The following TMEM40 variants were observed in gnomAD, a reference collection of about 807,000 sequenced individuals.
The protein encoded by TMEM40 is transmembrane protein 40.
Under a neutral mutation model 40.8 loss-of-function variants are expected in TMEM40, and 34 were observed. That is an observed-to-expected ratio of 0.83 (90% confidence interval 0.63 to 1.11). TMEM40 has a LOEUF of 1.11. Among genes scored for constraint, TMEM40 ranks in the 50% least tolerant of loss-of-function variants. The pLI, the probability that TMEM40 is intolerant of heterozygous loss-of-function variation, is 0.00. For missense variants in TMEM40, 296 were observed against 280.2 expected, an observed-to-expected ratio of 1.06 and a Z score of -0.40; for synonymous variants, 106 against 107.0, an observed-to-expected ratio of 0.99 and a Z score of 0.06.
intron 3 of TMEM40, among the ~76,000 whole-genome samples, chr3:12,746,083 A>C (rs112482166): frequency 0.017 from 2,611 of 151,886 alleles, 70 homozygotes; most frequent in African/African-American, 0.057. Flanking sequence ...TTTTTATTAG[A>C]GACGAGGTTT....
chr3:12,751,536 C>T (rs1473159235), intron 1 of TMEM40, among the ~76,000 whole-genome samples: 1 of 152,048 alleles, frequency 6.6e-6, no homozygotes, highest in Non-Finnish European at 1.5e-5. Flanking sequence ...CCTTGACCTC[C>T]CAAAGTGCTG....
chr3:12,751,439 T>C (rs1406501036), intron 1 of TMEM40, among the ~76,000 whole-genome samples: 2 of 151,588 alleles, frequency 1.3e-5, no homozygotes, highest in African/African-American at 4.9e-5. Flanking sequence ...CACACCATGC[T>C]TGGCTAATTT....
chr3:12,760,834 T>A (rs2061564561), upstream of TMEM40, among the ~76,000 whole-genome samples: 1 of 152,000 alleles, frequency 6.6e-6, no homozygotes, highest in South Asian at 2.1e-4. Flanking sequence ...CTCAAACTCC[T>A]GGGCTCAAGC....
At chr3:12,742,609 G>C in intron 4 of TMEM40, 102 bp from the exon 5 acceptor site, 1 of 1,369,502 alleles carries the variant, frequency 7.3e-7, no homozygotes. Context: ...CACAGTCCTT[G>C]TGCTGGAGGT....
At chr3:12,760,166 C>T (rs1052952230), upstream of TMEM40, among the ~76,000 whole-genome samples, 7 of 152,186 alleles carry the variant, frequency 4.6e-5, no homozygotes, top group African/African-American at 1.2e-4. Flanking sequence ...CCTCAACTGT[C>T]ACCTTGATCC....
rs1345354997 is a variant in TMEM40, at chr3:12,748,829, C to T, written c.74-37G>A. On this transcript the variant is annotated intron_variant, in intron 2 of 11. Coordinates refer to ENST00000314124, the MANE Select transcript of TMEM40 (RefSeq NM_018306.4). ...ACAGAGGCCAGGGGATGAGCGTTTCCCACCCTTCCCACCCCAGGGACCACC... is the reference window on the plus strand; with the variant it reads ...ACAGAGGCCAGGGGATGAGCGTTTCTCACCCTTCCCACCCCAGGGACCACC... 4.4e-6 allele frequency: 7 copies of T among 1,577,872 alleles called. No individual in the cohort carries two copies. The African/African-American group carries it at 5.4e-5, about 12-fold the overall frequency.
chr3:12,743,816 T>G, intron 4 of TMEM40, 84 bp downstream of exon 4: 2 of 1,324,116 alleles, frequency 1.5e-6, no homozygotes, highest in Non-Finnish European at 2.1e-6. Context: ...AACAATGCTG[T>G]GAAGAACATC....
intron 7 of TMEM40, 177 bp downstream of exon 7, chr3:12,737,959 T>C: frequency 1.0e-6 from 1 of 968,262 alleles, no homozygotes; most frequent in Non-Finnish European, 1.6e-6. Context: ...TAGGCCCGAG[T>C]CTGCCTTCCT....
At chr3:12,759,967 G>A (rs2061557479), upstream of TMEM40, among the ~76,000 whole-genome samples, 1 of 62,270 alleles carries the variant, frequency 1.6e-5, no homozygotes, top group Non-Finnish European at 3.0e-5. Flanking sequence ...CCCAGCCTTG[G>A]AGGGAAACAG....
intron 4 of TMEM40, among the ~76,000 whole-genome samples, chr3:12,742,840 G>A (rs899822262): frequency 3.3e-5 from 5 of 152,110 alleles, no homozygotes; most frequent in African/African-American, 1.2e-4. Flanking sequence ...TGCTCCTCAC[G>A]GATATCCTAT....
Position 12,737,764 on chromosome 3 carries a change from AAG to A in TMEM40, c.425-12_425-11del. The A allele has an allele frequency of 1.2e-6, 2 of 1,613,290 alleles. No individual in the cohort carries two copies. The highest frequency in any genetic ancestry group is 1.3e-5 in the African/African-American group (1 of 75,034). ...GAGGCCTCCACTTCTCCTTAAGAAC[AAG>A]AGAGAGATGAATATTTAACTTTGAT... is the stretch of plus-strand genomic sequence containing the variant. On this transcript the variant is annotated splice_polypyrimidine_tract_variant and intron_variant, in intron 7 of 11. Coordinates refer to ENST00000314124, the MANE Select transcript of TMEM40 (RefSeq NM_018306.4).
chr3:12,765,714 C>G (rs921129242), intron 1 of TMEM40, among the ~76,000 whole-genome samples: 4 of 151,740 alleles, frequency 2.6e-5, no homozygotes, highest in African/African-American at 9.7e-5. Context: ...GGACTACAGG[C>G]GCCTGCCACC....
chr3:12,752,437 A>G (rs1266538045), intron 1 of TMEM40, among the ~76,000 whole-genome samples: 2 of 152,178 alleles, frequency 1.3e-5, no homozygotes, highest in Non-Finnish European at 2.9e-5. Context: ...ATCTATTCCT[A>G]TGAAGGCTCA....
chr3:12,748,675 G>T lies in TMEM40; in HGVS notation c.191C>A (p.Ser64Tyr), dbSNP rs746709593. The change falls in exon 3 of 12, where the codon TCT becomes TAT. Residue 64 changes from serine (S) to tyrosine (Y), a missense_variant. Physicochemically the swap from Ser to Tyr is moderately radical, Grantham distance 144. Transcript: ENST00000314124. Reference protein sequence around the residue: ...SSSSSSSSSSSSSSSSSESND... With the variant: ...SSSSSSSSSSYSSSSSSESND... ...TATACCTGAGGAGGAGGAGGATGAA[G>T]AAGATGAGGAGGATGAGGAGGAAGA... 1.2e-6 allele frequency: 2 copies of T among 1,613,024 alleles called. No individual in the cohort carries two copies. Among genetic ancestry groups the T allele is most frequent in the South Asian group, 1.1e-5 (1 of 91,038 alleles).
intron 1 of TMEM40, among the ~76,000 whole-genome samples, chr3:12,765,129 T>C (rs2061588157): frequency 6.6e-6 from 1 of 152,126 alleles, no homozygotes; most frequent in African/African-American, 2.4e-5. Context: ...AGTGCTGGGA[T>C]TACAGGCATG....
chr3:12,744,495 C>T (rs1340861568), intron 3 of TMEM40, among the ~76,000 whole-genome samples: 2 of 152,224 alleles, frequency 1.3e-5, no homozygotes, highest in Non-Finnish European at 2.9e-5. Flanking sequence ...CCTTTCCCTG[C>T]TGGGGTTTCT....
At chr3:12,761,175 C>T (rs1456705992), upstream of TMEM40, among the ~76,000 whole-genome samples, 1 of 152,146 alleles carries the variant, frequency 6.6e-6, no homozygotes, top group Non-Finnish European at 1.5e-5. Flanking sequence ...GCAAATAATC[C>T]TGAACAGCCA....
intron 3 of TMEM40, among the ~76,000 whole-genome samples, chr3:12,744,863 A>G (rs762951240): frequency 2.0e-5 from 3 of 152,168 alleles, no homozygotes; most frequent in Admixed American, 6.5e-5. Context: ...TCTCAACTGG[A>G]TAAGGAGGAA....
chr3:12,738,205 G>A (rs780873101), intron 6 of TMEM40, 37 bp from the exon 7 acceptor site: 14 of 1,612,076 alleles, frequency 8.7e-6, no homozygotes, highest in Middle Eastern at 1.6e-4. Flanking sequence ...GCCCAACCCC[G>A]CTTGGGGTCC....
Sources: gnomAD v4.1 joint callset for allele counts (sites outside exome capture counted in the v4.1 genomes callset) on GRCh38, gnomAD v4.1.1 for gene constraint, MANE v1.5 for transcripts, NCBI Gene and HGNC (gene_info 2026-07-23, HGNC 2026-07-21) for gene names.